PCDH11X: variants seen among roughly 807,000 people sequenced by gnomAD.
The protein encoded by PCDH11X is protocadherin 11 X-linked.
A neutral mutation model predicts 53.3 loss-of-function variants in PCDH11X; 18 were observed. The observed-to-expected ratio is 0.34, with a 90% CI of 0.23 to 0.50. The LOEUF is 0.50. Among genes scored for constraint, PCDH11X ranks in the 20% least tolerant of loss-of-function variants. The probability of loss-of-function intolerance (pLI) is 0.98; values close to 1 mark genes in which losing one functional copy is unlikely to be tolerated. For missense variants in PCDH11X, 570 were observed against 1,032.4 expected, an observed-to-expected ratio of 0.55 and a Z score of 6.14; for synonymous variants, 279 against 393.3, an observed-to-expected ratio of 0.71 and a Z score of 3.44.
chrX:92,270,288 T>TTG (rs2067926516), intron 8 of PCDH11X, among the ~76,000 whole-genome samples: 2 of 109,244 alleles, frequency 1.8e-5, no homozygotes, highest in South Asian at 8.0e-4. Flanking sequence ...TAGTTGTTTT[T>TTG]TGTGTGTGTG....
intron 6 of PCDH11X, among the ~76,000 whole-genome samples, chrX:91,927,698 C>T (rs1239501357): frequency 1.8e-5 from 2 of 111,449 alleles, no homozygotes; most frequent in African/African-American, 3.3e-5. Context: ...GCTTATGTAA[C>T]GCATCTTTGA....
At chrX:92,598,095 G>A (rs1283827349) in intron 10 of PCDH11X, among the ~76,000 whole-genome samples, 1 of 111,103 alleles carries the variant, frequency 9.0e-6, no homozygotes, top group Non-Finnish European at 1.9e-5. Context: ...CTATTAAAAG[G>A]AAACATTTGA....
chrX:92,031,235 C>T (rs763794937), intron 6 of PCDH11X, among the ~76,000 whole-genome samples: 9 of 110,075 alleles, frequency 8.2e-5, no homozygotes, highest in African/African-American at 1.3e-4. Context: ...TAACAATCAA[C>T]GTTGAGCAAC....
intron 6 of PCDH11X, among the ~76,000 whole-genome samples, chrX:92,194,071 A>G (rs1255164623): frequency 8.9e-6 from 1 of 111,866 alleles, no homozygotes; most frequent in Non-Finnish European, 1.9e-5. Flanking sequence ...TGGTAACAGC[A>G]GTGACAGTAA....
intron 8 of PCDH11X, among the ~76,000 whole-genome samples, chrX:92,273,609 T>A (rs1412415120): frequency 2.7e-5 from 3 of 110,006 alleles, no homozygotes; most frequent in Non-Finnish European, 5.7e-5. Context: ...GTGGACGATG[T>A]TTCTCAGGGC....
At chrX:92,275,439 G>C (rs901235526) in intron 8 of PCDH11X, among the ~76,000 whole-genome samples, 32 of 111,009 alleles carry the variant, frequency 2.9e-4, no homozygotes, top group African/African-American at 1.0e-3. Flanking sequence ...AAGCCTTGTG[G>C]CAGTACAGCC....
chrX:92,131,760 C>CT (rs1213559627), intron 6 of PCDH11X, among the ~76,000 whole-genome samples: 1 of 110,488 alleles, frequency 9.1e-6, no homozygotes, highest in Non-Finnish European at 1.9e-5. Context: ...GGTAATTACC[C>CT]TTATCTTGTC....
chrX:92,474,036 T>A (rs1352233486), intron 10 of PCDH11X, among the ~76,000 whole-genome samples: 1 of 111,240 alleles, frequency 9.0e-6, no homozygotes, highest in Non-Finnish European at 1.9e-5. Flanking sequence ...AAAGGTCCAA[T>A]GCTGAAAGTG....
chrX:91,927,150 G>GCA (rs1331189465), intron 6 of PCDH11X, among the ~76,000 whole-genome samples: 2 of 107,522 alleles, frequency 1.9e-5, no homozygotes, highest in Admixed American at 2.1e-4. Context: ...ACACTCACAT[G>GCA]CACACACACT....
chrX:91,847,329 C>T (rs1263863677), intron 5 of PCDH11X, among the ~76,000 whole-genome samples: 3 of 110,677 alleles, frequency 2.7e-5, no homozygotes, highest in Non-Finnish European at 5.7e-5. Context: ...CCAGGCCCAA[C>T]GTTTTTTGTA....
At chrX:91,978,149 T>C (rs745849773) in intron 6 of PCDH11X, among the ~76,000 whole-genome samples, 1 of 111,453 alleles carries the variant, frequency 9.0e-6, no homozygotes, top group East Asian at 2.8e-4. Context: ...TTTCCACTTT[T>C]TGTTAACATT....
chrX:91,881,309 G>A (rs945219888), intron 6 of PCDH11X, among the ~76,000 whole-genome samples: 5 of 110,778 alleles, frequency 4.5e-5, no homozygotes, highest in Non-Finnish European at 9.5e-5. Context: ...GACATTTTCT[G>A]AATCATAAGA....
At chrX:91,865,500 A>C (rs1261629349) in intron 5 of PCDH11X, among the ~76,000 whole-genome samples, 3 of 109,708 alleles carry the variant, frequency 2.7e-5, no homozygotes, top group Non-Finnish European at 5.7e-5. Flanking sequence ...CAAGCTCAGC[A>C]CTGGGTCTCA....
intron 5 of PCDH11X, among the ~76,000 whole-genome samples, chrX:91,863,229 G>A (rs1938785245): frequency 9.4e-6 from 1 of 106,612 alleles, no homozygotes; most frequent in Middle Eastern, 4.9e-3. Context: ...TATTGTACTT[G>A]GGACAATCTC....
chrX:92,558,924 G>A (rs1238506262), intron 10 of PCDH11X, among the ~76,000 whole-genome samples: 4 of 109,445 alleles, frequency 3.7e-5, no homozygotes, highest in Non-Finnish European at 7.6e-5. Flanking sequence ...TTTGTTTCTA[G>A]CATTTAATAT....
chrX:91,914,104 G>A (rs1941477466), intron 6 of PCDH11X, among the ~76,000 whole-genome samples: 1 of 111,693 alleles, frequency 9.0e-6, no homozygotes. Context: ...TGCAGCATCA[G>A]CCCAGAGCCT....
chrX:92,150,809 G>A (rs2759758), intron 6 of PCDH11X, among the ~76,000 whole-genome samples: 5,141 of 107,538 alleles, frequency 0.048, 546 homozygotes, highest in African/African-American at 0.18. Context: ...ATTAATATGA[G>A]TGGTTTTGTT....
chrX:92,406,925 TCA>T (rs1335258708), intron 9 of PCDH11X, among the ~76,000 whole-genome samples: 1 of 53,428 alleles, frequency 1.9e-5, no homozygotes, highest in Non-Finnish European at 3.1e-5. Context: ...AAATTCCATC[TCA>T]TAAAAAAAAA....
intron 1 of PCDH11X, among the ~76,000 whole-genome samples, chrX:91,800,518 G>GA (rs1417552414): frequency 1.9e-5 from 2 of 107,627 alleles, no homozygotes; most frequent in East Asian, 5.8e-4. Flanking sequence ...AATGTTGTCT[G>GA]ACAAAATTAA....
Sources: allele counts gnomAD v4.1 joint callset (sites outside exome capture counted in the v4.1 genomes callset), GRCh38; gene constraint gnomAD v4.1.1; transcripts MANE v1.5; gene names NCBI Gene and HGNC (gene_info 2026-07-23, HGNC 2026-07-21).